Variants in IL19 observed in about 807,000 individuals in gnomAD.
IL19 encodes interleukin 19, also known as interleukin-19.
Under a neutral mutation model 19.5 loss-of-function variants are expected in IL19, and 15 were observed. The ratio of observed to expected loss-of-function variants is 0.77; its 90% confidence interval spans 0.52 to 1.19. IL19 has a LOEUF of 1.19. Ranked by LOEUF, IL19 falls within the 50% of genes most tolerant of loss-of-function variation. The pLI, the probability that IL19 is intolerant of heterozygous loss-of-function variation, is 0.00. For missense variants in IL19, 199 were observed against 213.1 expected (o/e 0.93, Z 0.41); for synonymous variants, 78 against 78.3 (o/e 1.00, Z 0.02).
At chr1:206,771,290 G>T in intron 1 of IL19, 1 of 1,432,476 alleles carries the variant, frequency 7.0e-7, no homozygotes, top group Non-Finnish European at 9.8e-7. Flanking sequence ...CCTGCAATCA[G>T]GAAGCAGAGT....
intron 2 of IL19, chr1:206,834,470 G>A (rs895427506): frequency 1.7e-5 from 17 of 982,530 alleles, no homozygotes; most frequent in South Asian, 4.7e-5. Flanking sequence ...CTTCACTGCC[G>A]CAGGGAGGTG....
intron 6 of IL19, 61 bp from the exon 7 acceptor site, chr1:206,842,466 T>C (rs1026485705): frequency 2.0e-6 from 2 of 1,010,358 alleles, no homozygotes; most frequent in Admixed American, 2.3e-5. Context: ...ATGAAGAAAG[T>C]GACTTGAAAA....
chr1:206,834,743 A>G (rs1013800076), intron 2 of IL19, among the ~76,000 whole-genome samples: 3 of 152,326 alleles, frequency 2.0e-5, no homozygotes, highest in Middle Eastern at 3.4e-3. Context: ...ATCTTTTTAA[A>G]TGTAAGGAGC....
chr1:206,775,545 G>T (rs1329670523), intron 1 of IL19, among the ~76,000 whole-genome samples: 1 of 152,176 alleles, frequency 6.6e-6, no homozygotes, highest in Admixed American at 6.5e-5. Context: ...GGAGATAACG[G>T]CTTCTCCATC....
At chr1:206,796,854 C>A (rs1358583343) in intron 1 of IL19, among the ~76,000 whole-genome samples, 3 of 152,240 alleles carry the variant, frequency 2.0e-5, no homozygotes, top group African/African-American at 4.8e-5. Context: ...ATTAGTCTGG[C>A]AGCTTCCTCC....
chr1:206,819,591 A>AG (rs1676245136), intron 2 of IL19, among the ~76,000 whole-genome samples: 3 of 152,004 alleles, frequency 2.0e-5, no homozygotes, highest in Middle Eastern at 3.4e-3. Context: ...AAAAAAAAAA[A>AG]AAGGAAAACT....
intron 1 of IL19, among the ~76,000 whole-genome samples, chr1:206,779,269 C>T (rs1408482502): frequency 6.6e-6 from 1 of 152,198 alleles, no homozygotes. Context: ...TGATGCACCA[C>T]TACCTTTCTA....
intron 2 of IL19, among the ~76,000 whole-genome samples, chr1:206,806,716 T>G (rs758190250): frequency 1.3e-5 from 2 of 152,198 alleles, no homozygotes; most frequent in Non-Finnish European, 2.9e-5. Flanking sequence ...ATATTACGAT[T>G]TGGTCCCCTT....
At chr1:206,836,922 G>T (rs1329306313) in intron 3 of IL19, 36 bp from the exon 4 acceptor site, 1 of 1,604,124 alleles carries the variant, frequency 6.2e-7, no homozygotes, top group Admixed American at 1.7e-5. Flanking sequence ...ATAGGATACC[G>T]ATTGCTTATG....
At chr1:206,772,586 G>T in intron 1 of IL19, 1 of 728,902 alleles carries the variant, frequency 1.4e-6, no homozygotes, top group Non-Finnish European at 2.3e-6. Context: ...TCCCGGCACA[G>T]GATTTTTTCT....
chr1:206,840,156 CA>C, intron 5 of IL19, 154 bp downstream of exon 5: 1 of 848,920 alleles, frequency 1.2e-6, no homozygotes, highest in Non-Finnish European at 2.0e-6. Flanking sequence ...GAACCTCTCC[CA>C]GTGGCCACTG....
At chr1:206,840,178 G>A (rs1342800268) in intron 5 of IL19, 176 bp downstream of exon 5, 2 of 763,582 alleles carry the variant, frequency 2.6e-6, no homozygotes, top group African/African-American at 1.7e-5. Context: ...CTTCCCCAGG[G>A]CTCCCTGCCT....
Position 206,830,577 on chromosome 1 carries a change from T to TTATA in IL19, c.-2-6070_-2-6067dup, listed in dbSNP as rs386354544. Among the ~76,000 whole-genome samples, 29 of 150,120 alleles carry TTATA rather than the reference T, an allele frequency of 1.9e-4. No individual in the cohort carries two copies. The East Asian group carries it at 2.0e-3, about 10-fold the overall frequency. On this transcript the variant is annotated intron_variant, in intron 2 of 6. Coordinates refer to ENST00000659997, the MANE Select transcript of IL19 (RefSeq NM_153758.5). ...AAATACCCATCCATCATTATCAGTT[T>TTATA]TATATATATATATATATTTGAGATG...
intron 1 of IL19, among the ~76,000 whole-genome samples, chr1:206,779,883 C>A (rs556572828): frequency 1.1e-4 from 17 of 149,092 alleles, no homozygotes; most frequent in African/African-American, 4.2e-4. Context: ...GAGACAGGGT[C>A]TTGCTATGTT....
intron 1 of IL19, among the ~76,000 whole-genome samples, chr1:206,781,166 C>A (rs1345317513): frequency 6.6e-6 from 1 of 151,960 alleles, no homozygotes; most frequent in Non-Finnish European, 1.5e-5. Context: ...AGGAGAGGGG[C>A]CAGGCGCGGT....
chr1:206,823,190 A>G (rs1676334265), intron 2 of IL19, among the ~76,000 whole-genome samples: 1 of 151,946 alleles, frequency 6.6e-6, no homozygotes, highest in Non-Finnish European at 1.5e-5. Context: ...TCGGCATCCC[A>G]AAGTGCTGGG....
At chr1:206,797,701 C>T (rs1272201160) in intron 1 of IL19, among the ~76,000 whole-genome samples, 11 of 152,274 alleles carry the variant, frequency 7.2e-5, no homozygotes, top group South Asian at 6.2e-4. Context: ...CTAGAGGTTC[C>T]GTGGCCAAAG....
chr1:206,817,522 A>G (rs75818243), intron 2 of IL19, among the ~76,000 whole-genome samples: 1,626 of 152,314 alleles, frequency 0.011, 26 homozygotes, highest in African/African-American at 0.038. Flanking sequence ...GGCTATCTAC[A>G]TATGTCTACC....
intron 1 of IL19, among the ~76,000 whole-genome samples, chr1:206,778,157 T>C (rs193179579): frequency 4.6e-5 from 7 of 152,344 alleles, no homozygotes; most frequent in African/African-American, 1.7e-4. Context: ...CCGAGGATCA[T>C]GGCCGGCAGA....
Sources: allele counts gnomAD v4.1 joint callset (sites outside exome capture counted in the v4.1 genomes callset), GRCh38; gene constraint gnomAD v4.1.1; transcripts MANE v1.5; gene names NCBI Gene and HGNC (gene_info 2026-07-23, HGNC 2026-07-21).